MSI2: variants seen among roughly 807,000 people sequenced by gnomAD.
MSI2 encodes the protein musashi RNA binding protein 2.
MSI2 carries 17 observed loss-of-function variants against 45.6 expected under a neutral mutation model. The observed-to-expected ratio is 0.37, with a 90% CI of 0.26 to 0.56. MSI2 has a LOEUF of 0.56. MSI2 is among the 20% of genes least tolerant of loss of function. The probability of loss-of-function intolerance (pLI) is 0.77; values close to 1 mark genes in which losing one functional copy is unlikely to be tolerated. For synonymous variants in MSI2, 156 were observed against 158.2 expected (o/e 0.99, Z 0.11); for missense variants, 293 against 444.2 (o/e 0.66, Z 3.06).
chr17:57,256,946 G>A, intron 1 of MSI2, 142 bp downstream of exon 1: 1 of 1,204,768 alleles, frequency 8.3e-7, no homozygotes, highest in South Asian at 1.4e-5. Context: ...ACACACCTTT[G>A]GATTGCATTT....
chr17:57,350,296 A>G (rs1915926303), intron 5 of MSI2, among the ~76,000 whole-genome samples: 3 of 150,602 alleles, frequency 2.0e-5, no homozygotes, highest in Non-Finnish European at 4.4e-5. Context: ...TAATGGGCTG[A>G]TAGCTTTTAT....
chr17:57,470,288 A>ATTTT (rs1380899084), intron 6 of MSI2, among the ~76,000 whole-genome samples: 38 of 151,800 alleles, frequency 2.5e-4, no homozygotes, highest in African/African-American at 8.0e-4. Context: ...TTATTTATTT[A>ATTTT]TTTTTTTGAG....
At chr17:57,598,187 CAA>C (rs1171623479) in intron 8 of MSI2, among the ~76,000 whole-genome samples, 1 of 152,238 alleles carries the variant, frequency 6.6e-6, no homozygotes, top group East Asian at 1.9e-4. Context: ...CCTCCAGCCT[CAA>C]GAGAAGAGGG....
intron 7 of MSI2, among the ~76,000 whole-genome samples, chr17:57,581,912 G>A (rs893753273): frequency 1.3e-5 from 2 of 152,178 alleles, no homozygotes; most frequent in South Asian, 4.1e-4. Flanking sequence ...ATGAAGATAC[G>A]ATGCTATGAA....
chr17:57,434,582 C>G (rs2084658308), intron 6 of MSI2, among the ~76,000 whole-genome samples: 1 of 151,974 alleles, frequency 6.6e-6, no homozygotes, highest in South Asian at 2.1e-4. Context: ...CTCTGGTAAC[C>G]CCCATTCTAT....
chr17:57,554,646 A>C (rs1366569039), intron 7 of MSI2, among the ~76,000 whole-genome samples: 1 of 152,248 alleles, frequency 6.6e-6, no homozygotes, highest in African/African-American at 2.4e-5. Flanking sequence ...AAGCCTGTGT[A>C]CTGGGCTGAG....
intron 8 of MSI2, among the ~76,000 whole-genome samples, chr17:57,599,979 G>A (rs570131534): frequency 2.3e-4 from 35 of 152,170 alleles, no homozygotes; most frequent in Non-Finnish European, 4.6e-4. Context: ...CATTGAGAGA[G>A]ATTTCTCCAG....
chr17:57,371,481 T>C (rs1242069406), intron 5 of MSI2, among the ~76,000 whole-genome samples: 2 of 146,674 alleles, frequency 1.4e-5, no homozygotes, highest in Non-Finnish European at 3.0e-5. Context: ...AACATTTCGG[T>C]ACATTTTTTT....
At chr17:57,553,464 A>ACATCATT (rs2087354057) in intron 7 of MSI2, among the ~76,000 whole-genome samples, 1 of 152,222 alleles carries the variant, frequency 6.6e-6, no homozygotes, top group Non-Finnish European at 1.5e-5. Flanking sequence ...CTGCTTTTAA[A>ACATCATT]TGATGTTAAG....
Position 57,683,874 on chromosome 17 carries a change from G to A in MSI2, c.*4357G>A, listed in dbSNP as rs1208835363. 3 of 231,872 alleles carry A rather than the reference G, an allele frequency of 1.3e-5. No individual in the cohort carries two copies. The highest frequency in any genetic ancestry group is 6.6e-5 in the African/African-American group (3 of 45,240). The allele number at this position is 231,872 out of a possible 1,614,324, so 14.4% of individuals were successfully genotyped here. A position where few individuals can be genotyped will look rare whatever the true frequency, so the allele number is the denominator to read the frequency against. ...CCTGGGCACAGACACTACACAAGGAGACGCTGGAAGTTAAGCAATACTTTA... is the reference window on the plus strand; with the variant it reads ...CCTGGGCACAGACACTACACAAGGAAACGCTGGAAGTTAAGCAATACTTTA... On this transcript the variant is annotated 3_prime_UTR_variant, in exon 14 of 14. Coordinates refer to ENST00000284073, the MANE Select transcript of MSI2 (RefSeq NM_138962.4). This position sits in a 1 kb window ranked among gnomAD's most constrained non-coding sequence, Gnocchi z 5.2.
intron 6 of MSI2, among the ~76,000 whole-genome samples, chr17:57,463,514 C>T (rs956800966): frequency 3.9e-5 from 6 of 152,128 alleles, no homozygotes; most frequent in Non-Finnish European, 8.8e-5. Flanking sequence ...GGCTTTGCCC[C>T]GCCCTCCCAG....
chr17:57,309,814 A>T (rs1239596905), intron 5 of MSI2, among the ~76,000 whole-genome samples: 2 of 152,082 alleles, frequency 1.3e-5, no homozygotes, highest in Non-Finnish European at 2.9e-5. Context: ...GGAGAGAGGG[A>T]GGCACGACTC....
chr17:57,538,289 A>C (rs1193355042), intron 7 of MSI2, among the ~76,000 whole-genome samples: 1 of 152,108 alleles, frequency 6.6e-6, no homozygotes, highest in Non-Finnish European at 1.5e-5. Flanking sequence ...TTGGGACTTA[A>C]GGTTCCTAGA....
intron 10 of MSI2, among the ~76,000 whole-genome samples, chr17:57,644,126 G>A (rs1910464525): frequency 6.6e-6 from 1 of 151,980 alleles, no homozygotes; most frequent in Admixed American, 6.5e-5. Context: ...TGATGTGTTG[G>A]TACCCTTGGG....
intron 7 of MSI2, among the ~76,000 whole-genome samples, chr17:57,582,114 G>A (rs1484610353): frequency 6.6e-6 from 1 of 152,062 alleles, no homozygotes; most frequent in Non-Finnish European, 1.5e-5. Context: ...TCTTGGTGTG[G>A]GGAGGGGTCC....
rs1286864613 is a variant in MSI2, at chr17:57,529,599, C to CT, written c.406-77_406-76insT. 3.0e-6 allele frequency: 4 copies of CT among 1,348,072 alleles called. No homozygotes were observed. The highest frequency in any genetic ancestry group is 1.5e-5 in the African/African-American group (1 of 68,956). 83.5% of individuals were successfully genotyped at this position (1,348,072 alleles called of 1,614,324 possible). A position where few individuals can be genotyped will look rare whatever the true frequency, so the allele number is the denominator to read the frequency against. On this transcript the variant is annotated intron_variant, in intron 6 of 13. Coordinates refer to ENST00000284073, the MANE Select transcript of MSI2 (RefSeq NM_138962.4). The surrounding 1 kb of genome is among the most constrained non-coding windows in gnomAD (Gnocchi z 5.3). ...TCTGTAATGGAAACTACCCCCTCAC[C>CT]CCCCGACATGCATATAATGTTTTGT...
At chr17:57,472,948 A>C (rs1400435775) in intron 6 of MSI2, among the ~76,000 whole-genome samples, 1 of 150,720 alleles carries the variant, frequency 6.6e-6, no homozygotes. Flanking sequence ...GCTGGAGTGC[A>C]ATGGTGTCAT....
intron 5 of MSI2, among the ~76,000 whole-genome samples, chr17:57,376,252 T>C (rs2083494410): frequency 6.6e-6 from 1 of 152,078 alleles, no homozygotes; most frequent in South Asian, 2.1e-4. Flanking sequence ...GGAGAAAAGG[T>C]ATACAATACT....
intron 6 of MSI2, among the ~76,000 whole-genome samples, chr17:57,469,661 G>A (rs1323405902): frequency 1.3e-5 from 2 of 152,232 alleles, no homozygotes; most frequent in Admixed American, 1.3e-4. Context: ...GAGACTGGGG[G>A]AGAGAGAAGG....
Sources: allele counts gnomAD v4.1 joint callset (sites outside exome capture counted in the v4.1 genomes callset), GRCh38; gene constraint gnomAD v4.1.1; non-coding constraint Gnocchi (gnomAD v3.1); transcripts MANE v1.5; gene names NCBI Gene and HGNC (gene_info 2026-07-23, HGNC 2026-07-21).